NCKAP5: variants seen among roughly 807,000 people sequenced by gnomAD.
The protein encoded by NCKAP5 is nck-associated protein 5.
NCKAP5 carries 92 observed loss-of-function variants against 167.0 expected under a neutral mutation model. That is an observed-to-expected ratio of 0.55 (90% confidence interval 0.47 to 0.66). The LOEUF is 0.66. Among genes scored for constraint, NCKAP5 ranks in the 30% least tolerant of loss-of-function variants. The probability of loss-of-function intolerance (pLI) is 0.00; values close to 1 mark genes in which losing one functional copy is unlikely to be tolerated. For missense variants in NCKAP5, 2,378 were observed against 2,315.0 expected (o/e 1.03, Z -0.56); for synonymous variants, 891 against 877.4 (o/e 1.02, Z -0.27).
intron 2 of NCKAP5, among the ~76,000 whole-genome samples, chr2:133,529,352 T>C (rs1575111093): frequency 6.6e-6 from 1 of 152,298 alleles, no homozygotes; most frequent in East Asian, 1.9e-4. Context: ...ATAAGTGGCA[T>C]TGACATCTAT....
chr2:132,794,173 G>T, intron 12 of NCKAP5, among the ~76,000 whole-genome samples: 1 of 142,390 alleles, frequency 7.0e-6, no homozygotes. Context: ...AAACGCTGGT[G>T]CTTAGGGACT....
chr2:133,072,580 C>T (rs916163128), intron 6 of NCKAP5, among the ~76,000 whole-genome samples: 12 of 152,238 alleles, frequency 7.9e-5, no homozygotes, highest in Middle Eastern at 3.4e-3. Flanking sequence ...CTTCAAGAGT[C>T]CCAACTGTTA....
chr2:133,227,577 T>C (rs549188639), intron 4 of NCKAP5, among the ~76,000 whole-genome samples: 1 of 152,210 alleles, frequency 6.6e-6, no homozygotes, highest in Non-Finnish European at 1.5e-5. Flanking sequence ...GAGCCATTAT[T>C]AAACCTCAGG....
chr2:132,756,301 G>A (rs1680549640), intron 16 of NCKAP5, among the ~76,000 whole-genome samples: 1 of 152,148 alleles, frequency 6.6e-6, no homozygotes, highest in Admixed American at 6.6e-5. Flanking sequence ...CTTAGGAAAT[G>A]GGAACTTGAA....
intron 6 of NCKAP5, among the ~76,000 whole-genome samples, chr2:133,039,949 G>A (rs1573834961): frequency 6.6e-6 from 1 of 152,258 alleles, no homozygotes; most frequent in South Asian, 2.1e-4. Flanking sequence ...TGAGCTCAAA[G>A]ATTTTAAAAA....
chr2:133,152,548 A>T (rs1460205022), intron 5 of NCKAP5, among the ~76,000 whole-genome samples: 2 of 152,202 alleles, frequency 1.3e-5, no homozygotes, highest in Admixed American at 6.5e-5. Flanking sequence ...AATTTCTCCC[A>T]TTCAGATGAA....
At chr2:132,741,949 T>G (rs1372086824) in intron 16 of NCKAP5, among the ~76,000 whole-genome samples, 4 of 152,230 alleles carry the variant, frequency 2.6e-5, no homozygotes, top group Middle Eastern at 3.4e-3. Flanking sequence ...CCTAAACAAA[T>G]GCTCTTTACG....
At chr2:133,346,259 T>C (rs1435456903) in intron 3 of NCKAP5, among the ~76,000 whole-genome samples, 1 of 152,084 alleles carries the variant, frequency 6.6e-6, no homozygotes, top group Non-Finnish European at 1.5e-5. Flanking sequence ...AACACATCTA[T>C]TTGAAAGGGC....
chr2:133,289,749 T>C (rs1679436332), intron 4 of NCKAP5, among the ~76,000 whole-genome samples: 1 of 151,904 alleles, frequency 6.6e-6, no homozygotes, highest in Admixed American at 6.6e-5. Flanking sequence ...CACAACTACT[T>C]GAGACTGGGT....
In NCKAP5 at chr2:132,796,292, A is replaced by G. The variant is rs374309939; in HGVS notation, c.909+336T>C. ...GAATTTTTAAAAGTTCATACATAAT[A>G]TATCATAAAAGTAGGATGAATAATA... is the stretch of plus-strand genomic sequence containing the variant. On this transcript the variant is annotated intron_variant, in intron 12 of 19. Transcript: ENST00000409261. 3.6e-3 allele frequency among the ~76,000 whole-genome samples: 553 copies of G among 152,346 alleles called. 3 individuals carry two copies. Among genetic ancestry groups the G allele is most frequent in the Non-Finnish European group, 5.2e-3 (353 of 68,042 alleles).
At chr2:133,674,490 T>C in the NCKAP5 span, among the ~76,000 whole-genome samples, 1 of 151,990 alleles carries the variant, frequency 6.6e-6, no homozygotes, top group Non-Finnish European at 1.5e-5. Flanking sequence ...TGCCATGTAA[T>C]GCCCTGTGTC....
chr2:133,204,419 T>C (rs916962182), intron 5 of NCKAP5, among the ~76,000 whole-genome samples: 3 of 152,176 alleles, frequency 2.0e-5, no homozygotes, highest in Non-Finnish European at 4.4e-5. Flanking sequence ...TTTCCATACA[T>C]GTTAGATTTT....
chr2:132,754,718 G>A (rs189728379), intron 16 of NCKAP5, among the ~76,000 whole-genome samples: 12 of 152,332 alleles, frequency 7.9e-5, no homozygotes, highest in East Asian at 1.9e-4. Context: ...ACTAAGGCAC[G>A]TAAATTCTTG....
At chr2:132,694,282 G>T (rs1428121442) in intron 19 of NCKAP5, among the ~76,000 whole-genome samples, 1 of 152,018 alleles carries the variant, frequency 6.6e-6, no homozygotes, top group East Asian at 1.9e-4. Flanking sequence ...AAGTAATCAG[G>T]AAGGAAATGA....
chr2:133,627,005 A>G, the NCKAP5 span, among the ~76,000 whole-genome samples: 1 of 152,092 alleles, frequency 6.6e-6, no homozygotes, highest in African/African-American at 2.4e-5. Context: ...TGAAGACTAC[A>G]TAGATAAATA....
At chr2:133,494,320 C>G (rs370314152) in intron 3 of NCKAP5, among the ~76,000 whole-genome samples, 4 of 152,224 alleles carry the variant, frequency 2.6e-5, no homozygotes, top group Middle Eastern at 3.4e-3. Context: ...TTACCTTTAC[C>G]TTTGTTCACC....
chr2:133,031,700 C>T lies in NCKAP5; in HGVS notation c.342-37461G>A, dbSNP rs187042041. Among the ~76,000 whole-genome samples the T allele has an allele frequency of 4.0e-3, 614 of 152,190 alleles. 4 individuals are homozygous for T. Among genetic ancestry groups the T allele is most frequent in the African/African-American group, 0.014 (595 of 41,520 alleles). On this transcript the variant is annotated intron_variant, in intron 6 of 19. Coordinates refer to ENST00000409261, the MANE Select transcript of NCKAP5 (RefSeq NM_207363.3). ...CTGCACAGCTCACAGCTACAAAAGA[C>T]ACCCCTTCCTTCTACTTGAGGAGAG...
the NCKAP5 span, among the ~76,000 whole-genome samples, chr2:133,625,922 G>A: frequency 6.6e-6 from 1 of 150,808 alleles, no homozygotes; most frequent in Admixed American, 6.6e-5. Context: ...ACATGCAAAT[G>A]TGTTTAAATA....
chr2:133,346,495 T>C (rs1683985615), intron 3 of NCKAP5, among the ~76,000 whole-genome samples: 1 of 152,188 alleles, frequency 6.6e-6, no homozygotes, highest in African/African-American at 2.4e-5. Context: ...TTTCTGGTGT[T>C]AGCTAAGGGA....
Sources: gnomAD v4.1 joint callset for allele counts (sites outside exome capture counted in the v4.1 genomes callset) on GRCh38, gnomAD v4.1.1 for gene constraint, MANE v1.5 for transcripts, NCBI Gene and HGNC (gene_info 2026-07-23, HGNC 2026-07-21) for gene names.